The following LEMD3 variants were observed in gnomAD, a reference collection of about 807,000 sequenced individuals.
LEMD3 encodes LEM domain containing 3.
A neutral mutation model predicts 95.2 loss-of-function variants in LEMD3; 33 were observed. The ratio of observed to expected loss-of-function variants is 0.35; its 90% CI spans 0.26 to 0.46. The LOEUF (loss-of-function observed/expected upper bound fraction) is 0.46. Ranked by LOEUF, LEMD3 falls within the 20% of genes least tolerant of loss-of-function variation. LEMD3 has a pLI of 1.00. For missense variants in LEMD3, 1,210 were observed against 1,192.8 expected (o/e 1.01, Z -0.21); for synonymous variants, 525 against 474.6 (o/e 1.11, Z -1.38).
rs769297537 is a variant in LEMD3 at position 65,240,138 on chromosome 12, G to A, written c.2026G>A (p.Val676Ile). The change falls in exon 8 of 13, where the codon GTT (valine) becomes ATT (isoleucine). Residue 676 changes from valine (V) to isoleucine (I), a missense_variant and splice_region_variant. By Grantham distance (29) the Val-to-Ile change is conservative. This residue lies in a region of LEMD3 where 461 missense variants were observed against 569.8 expected (regional missense o/e 0.81). Coordinates refer to ENST00000308330, the MANE Select transcript of LEMD3 (RefSeq NM_014319.5). ...TTGTAAATTTTATTTATTTTTAGAT[G>A]TTTTACGAAGTCATAATGAAGCCTG... ...MYDMVVKIID[V>I]LRSHNEACQE... 1 of 1,610,864 alleles carries A rather than the reference G, an allele frequency of 6.2e-7. No homozygotes were observed.
At chr12:65,226,384 C>T (rs1870449279) in intron 4 of LEMD3, among the ~76,000 whole-genome samples, 1 of 152,098 alleles carries the variant, frequency 6.6e-6, no homozygotes, top group Non-Finnish European at 1.5e-5. Context: ...AACCTTTTAA[C>T]TAATTTCTGG....
chr12:65,184,158 G>A (rs1868990881), intron 1 of LEMD3, among the ~76,000 whole-genome samples: 1 of 152,044 alleles, frequency 6.6e-6, no homozygotes, highest in Non-Finnish European at 1.5e-5. Flanking sequence ...TTTATATTGT[G>A]GATTAATACT....
Position 65,247,753 on chromosome 12 carries a change from G to A in LEMD3, c.*1428G>A, listed in dbSNP as rs886514740. 1.3e-5 allele frequency: 2 copies of A among 152,528 alleles called. No individual in the cohort carries two copies. Among genetic ancestry groups the A allele is most frequent in the African/African-American group, 4.8e-5 (2 of 41,434 alleles). The allele number at this position is 152,528 out of a possible 1,614,324, so 9.4% of individuals were successfully genotyped here. ...TGCAGCATGAACTTGCACAGATAAT[G>A]CACGTTTTCTGGTTAAGTAAACATG... On this transcript the variant is annotated 3_prime_UTR_variant, in exon 13 of 13. Coordinates refer to ENST00000308330, the MANE Select transcript of LEMD3 (RefSeq NM_014319.5).
At chr12:65,234,107 T>C (rs906292309) in intron 4 of LEMD3, among the ~76,000 whole-genome samples, 1 of 152,250 alleles carries the variant, frequency 6.6e-6, no homozygotes, top group Non-Finnish European at 1.5e-5. Context: ...AATGTTTGTT[T>C]TATGATGCTG....
intron 1 of LEMD3, among the ~76,000 whole-genome samples, chr12:65,183,295 G>T (rs892946245): frequency 6.6e-6 from 1 of 152,016 alleles, no homozygotes. Flanking sequence ...TTTAGAATCC[G>T]ATATGTATTT....
At chr12:65,200,244 A>G (rs1869557740) in intron 1 of LEMD3, among the ~76,000 whole-genome samples, 1 of 152,090 alleles carries the variant, frequency 6.6e-6, no homozygotes, top group East Asian at 1.9e-4. Context: ...CTTCATTTAC[A>G]TAGGGTGTAA....
chr12:65,182,475 TTAATAAG>T (rs1357918627), intron 1 of LEMD3, among the ~76,000 whole-genome samples: 1 of 152,188 alleles, frequency 6.6e-6, no homozygotes, highest in Non-Finnish European at 1.5e-5. Flanking sequence ...GTCAGTAATG[TTAATAAG>T]TAATAGAGTT....
intron 4 of LEMD3, among the ~76,000 whole-genome samples, chr12:65,222,164 A>G (rs552013197): frequency 6.6e-6 from 1 of 152,288 alleles, no homozygotes; most frequent in Admixed American, 6.5e-5. Flanking sequence ...TTATCATGAA[A>G]GGATATTTAA....
chr12:65,223,833 C>CT (rs71278238), intron 4 of LEMD3, among the ~76,000 whole-genome samples: 53,414 of 125,522 alleles, frequency 0.43, 11,106 homozygotes, highest in South Asian at 0.48. Context: ...TTTTTTGTGT[C>CT]TTTTTTTTTT....
chr12:65,192,438 T>TA (rs1286459112), intron 1 of LEMD3, among the ~76,000 whole-genome samples: 1 of 152,176 alleles, frequency 6.6e-6, no homozygotes. Flanking sequence ...TTTTGCCCTA[T>TA]ACCCGTCTTC....
At chr12:65,178,230 T>A (rs1242967213) in intron 1 of LEMD3, among the ~76,000 whole-genome samples, 1 of 150,958 alleles carries the variant, frequency 6.6e-6, no homozygotes, top group Non-Finnish European at 1.5e-5. Flanking sequence ...AAAAAAAAAA[T>A]CCTAGATCTA....
intron 1 of LEMD3, among the ~76,000 whole-genome samples, chr12:65,204,378 T>A (rs1869699576): frequency 6.6e-6 from 1 of 152,152 alleles, no homozygotes; most frequent in African/African-American, 2.4e-5. Context: ...CCCCTCCATG[T>A]GCCTGTGTGT....
intron 1 of LEMD3, among the ~76,000 whole-genome samples, chr12:65,181,406 A>G (rs1020594407): frequency 6.6e-6 from 1 of 152,102 alleles, no homozygotes; most frequent in Non-Finnish European, 1.5e-5. Context: ...ACCTTTTAGA[A>G]CTATAGGAGT....
In LEMD3 at chr12:65,246,415, G is replaced by A; in HGVS notation, c.*90G>A. 2 of 1,050,774 alleles carry A rather than the reference G, an allele frequency of 1.9e-6. No individual in the cohort carries two copies. The highest frequency in any genetic ancestry group is 2.9e-6 in the Non-Finnish European group (2 of 679,950). 65.1% of individuals were successfully genotyped at this position (1,050,774 alleles called of 1,614,324 possible). ...CTTCCTTTTTAAATGCTTTTTGTAT[G>A]TAATATTTTTATTGATGAATACATC... On this transcript the variant is annotated 3_prime_UTR_variant, in exon 13 of 13. Coordinates refer to ENST00000308330, the MANE Select transcript of LEMD3 (RefSeq NM_014319.5).
At chr12:65,210,500 T>C (rs1869903419) in intron 1 of LEMD3, among the ~76,000 whole-genome samples, 1 of 152,152 alleles carries the variant, frequency 6.6e-6, no homozygotes, top group African/African-American at 2.4e-5. Context: ...TGCTTGACAC[T>C]GTGTCAAACA....
chr12:65,169,769 G>A lies in LEMD3; in HGVS notation c.173G>A (p.Gly58Asp), dbSNP rs1467049645. Residue 58 changes from glycine to aspartate, a missense_variant, in exon 1 of 13, where the codon GGC becomes GAC. Transcript: ENST00000308330. ...GAGCAGCAACAGCACCGGTCAGGGG[G>A]CCGCGGCAACAAGACGCGGAACAGT... ...EEEQQQHRSG[G>D]RGNKTRNSNN... The A allele has an allele frequency of 1.3e-6, 2 of 1,583,904 alleles. No individual in the cohort carries two copies. The highest frequency in any genetic ancestry group is 2.3e-5 in the East Asian group (1 of 43,702).
At chr12:65,222,282 T>A (rs1461174914) in intron 4 of LEMD3, among the ~76,000 whole-genome samples, 3 of 152,186 alleles carry the variant, frequency 2.0e-5, no homozygotes, top group African/African-American at 7.2e-5. Context: ...TGAACCATCT[T>A]TGTGTCTGAG....
At chr12:65,174,418 A>G (rs1868649381) in intron 1 of LEMD3, among the ~76,000 whole-genome samples, 1 of 152,170 alleles carries the variant, frequency 6.6e-6, no homozygotes, top group African/African-American at 2.4e-5. Flanking sequence ...CCAAACGAAA[A>G]TAGAGAAGCA....
intron 4 of LEMD3, among the ~76,000 whole-genome samples, chr12:65,236,200 T>A (rs1326069011): frequency 6.6e-6 from 1 of 152,240 alleles, no homozygotes; most frequent in Non-Finnish European, 1.5e-5. Context: ...ATCTTTTTTT[T>A]AGAGAGAATT....
Sources: allele counts gnomAD v4.1 joint callset (sites outside exome capture counted in the v4.1 genomes callset), GRCh38; gene constraint gnomAD v4.1.1; regional missense constraint gnomAD v4.1.1; transcripts MANE v1.5; gene names NCBI Gene and HGNC (gene_info 2026-07-23, HGNC 2026-07-21).